MDGA1: variants seen among roughly 807,000 people sequenced by gnomAD.
The protein encoded by MDGA1 is MAM domain containing glycosylphosphatidylinositol anchor 1.
Under a neutral mutation model 101.5 loss-of-function variants are expected in MDGA1, and 54 were observed. That is an observed-to-expected ratio of 0.53 (90% confidence interval 0.43 to 0.67). The LOEUF (loss-of-function observed/expected upper bound fraction) is 0.67, where lower values mean the gene tolerates loss of function less well. Ranked by LOEUF, MDGA1 falls within the 30% of genes least tolerant of loss-of-function variation. The pLI is 0.00. For synonymous variants in MDGA1, 533 were observed against 558.3 expected, an observed-to-expected ratio of 0.95 and a Z score of 0.64; for missense variants, 1,083 against 1,323.8, an observed-to-expected ratio of 0.82 and a Z score of 2.82.
chr6:37,641,997 T>C (rs76262911), intron 14 of MDGA1: 1,536 of 152,232 alleles, frequency 0.01, 16 homozygotes, highest in Non-Finnish European at 0.017. Flanking sequence ...TTGCTTAAAG[T>C]CACTCCGTCT....
intron 1 of MDGA1, among the ~76,000 whole-genome samples, chr6:37,687,041 G>A (rs1304795646): frequency 6.6e-6 from 1 of 152,124 alleles, no homozygotes; most frequent in Admixed American, 6.6e-5. Flanking sequence ...TTTGCATTGG[G>A]CAGTCTTGAG....
chr6:37,675,955 C>T (rs1444766633), intron 1 of MDGA1, among the ~76,000 whole-genome samples: 1 of 152,158 alleles, frequency 6.6e-6, no homozygotes, highest in African/African-American at 2.4e-5. Context: ...TGACTTGAGG[C>T]AAATCATTTA....
rs192113659 is a variant in MDGA1, at chr6:37,646,268, C to G, written c.2154G>C (p.Glu718Asp). ...LTDLRVPHSYEVRLTPYTTFG... is the reference protein window; with the variant it reads ...LTDLRVPHSYDVRLTPYTTFG... Reference sequence around the variant, plus strand: ...AGGTGGTATAGGGTGTGAGGCGGACCTCATAGCTGTGGGGCACACGGAGAT... The same window carrying G: ...AGGTGGTATAGGGTGTGAGGCGGACGTCATAGCTGTGGGGCACACGGAGAT... The change falls in exon 11 of 17, where the codon GAG (glutamate) becomes GAC (aspartate). Residue 718 changes from glutamate to aspartate, a missense_variant. Around this residue, in one of 3 missense-constraint regions of MDGA1, gnomAD observed 657 missense variants for 771.4 expected, o/e 0.85. Coordinates refer to ENST00000434837, the MANE Select transcript of MDGA1 (RefSeq NM_153487.4). 1.8e-3 allele frequency: 2,947 copies of G among 1,606,184 alleles called. 38 individuals carry two copies. In the African/African-American group the frequency reaches 0.026, roughly 14 times the overall value.
chr6:37,662,162 G>GAA (rs10717477), intron 2 of MDGA1, among the ~76,000 whole-genome samples: 21,130 of 131,164 alleles, frequency 0.16, 1,763 homozygotes, highest in Middle Eastern at 0.22. Flanking sequence ...ACCCTGTCTC[G>GAA]AAAAAAAAAA....
At position 37,693,403 on chromosome 6, in the gene MDGA1, T is replaced by G. The variant is rs79412950; in HGVS notation, c.67+3342A>C. Among the ~76,000 whole-genome samples, 259 of 152,366 alleles carry G rather than the reference T, an allele frequency of 1.7e-3. 2 individuals carry two copies. Among genetic ancestry groups the G allele is most frequent in the African/African-American group, 6.1e-3 (253 of 41,584 alleles). ...TATTCAACATCTGTCTTCATGTTCCTACAAAAATTAACATAGGATAGTAGT... is the reference window on the plus strand; with the variant it reads ...TATTCAACATCTGTCTTCATGTTCCGACAAAAATTAACATAGGATAGTAGT... On this transcript the variant is annotated intron_variant, in intron 1 of 16. Coordinates refer to ENST00000434837, the MANE Select transcript of MDGA1 (RefSeq NM_153487.4).
At position 37,696,041 on chromosome 6, in the gene MDGA1, G is replaced by A. The variant is rs1338856416; in HGVS notation, c.67+704C>T. Among the ~76,000 whole-genome samples the A allele has an allele frequency of 1.3e-5, 2 of 152,206 alleles. No homozygotes were observed. The highest frequency in any genetic ancestry group is 2.4e-5 in the African/African-American group (1 of 41,444). ...GTGGCAGGAGGCAGAGTTTGGACACGTATCCCGGTGGGTGCGTGCCGTGTT... is the reference window on the plus strand; with the variant it reads ...GTGGCAGGAGGCAGAGTTTGGACACATATCCCGGTGGGTGCGTGCCGTGTT... On this transcript the variant is annotated intron_variant, in intron 1 of 16. Transcript: ENST00000434837. This position sits in a 1 kb window ranked among gnomAD's most constrained non-coding sequence, Gnocchi z 5.6.
At position 37,648,839 on chromosome 6, in the gene MDGA1, A is replaced by AAGGCCGGGGCT. The variant is rs112520975; in HGVS notation, c.1894+132_1894+142dup. The AAGGCCGGGGCT allele has an allele frequency of 6.7e-3, 9,330 of 1,383,856 alleles. 465 individuals carry two copies. In the African/African-American group the frequency reaches 0.12, roughly 18 times the overall value. The allele number at this position is 1,383,856 out of a possible 1,614,324, so 85.7% of individuals were successfully genotyped here. ...GGCCTTGGCGTGGGCGGGTCTTGGA[A>AAGGCCGGGGCT]AGGCCGGGGCTAAGCCTGGAGTAGG... On this transcript the variant is annotated intron_variant, in intron 9 of 16. Transcript: ENST00000434837.
intron 14 of MDGA1, among the ~76,000 whole-genome samples, chr6:37,642,944 C>T (rs1312014546): frequency 1.3e-5 from 2 of 152,244 alleles, no homozygotes; most frequent in Non-Finnish European, 2.9e-5. Flanking sequence ...CTACCAGTAC[C>T]ATTGCCTGCC....
intron 2 of MDGA1, among the ~76,000 whole-genome samples, chr6:37,663,212 T>A (rs1263578032): frequency 6.6e-6 from 1 of 152,156 alleles, no homozygotes; most frequent in Non-Finnish European, 1.5e-5. Context: ...CAGCTCTCAG[T>A]GATCACAGGC....
chr6:37,678,811 A>G (rs1263478820), intron 1 of MDGA1, among the ~76,000 whole-genome samples: 1 of 132,586 alleles, frequency 7.5e-6, no homozygotes, highest in African/African-American at 2.9e-5. Flanking sequence ...CCCCACCTCC[A>G]TCACGCTCAA....
rs568804296 is a variant in MDGA1, at chr6:37,643,947, C to T, written c.2402-4G>A. On this transcript the variant is annotated splice_region_variant and splice_polypyrimidine_tract_variant and intron_variant, in intron 13 of 16. Transcript: ENST00000434837. ...GTCTCGATGAACATGTAGTAGCCTGCGGGGAATGGGGAGATGCGCCAACAG... is the reference window on the plus strand; with the variant it reads ...GTCTCGATGAACATGTAGTAGCCTGTGGGGAATGGGGAGATGCGCCAACAG... The T allele has an allele frequency of 2.7e-5, 43 of 1,613,296 alleles. No individual in the cohort carries two copies. The highest frequency in any genetic ancestry group is 5.0e-5 in the Admixed American group (3 of 59,946).
chr6:37,673,523 G>A (rs1455504745), intron 1 of MDGA1, among the ~76,000 whole-genome samples: 1 of 152,218 alleles, frequency 6.6e-6, no homozygotes, highest in Admixed American at 6.5e-5. Context: ...GCCTCCTTCT[G>A]CCAGGGATGA....
Position 37,647,295 on chromosome 6 carries a change from C to G in MDGA1, c.1924G>C (p.Asp642His). 1 of 1,550,702 alleles carries G rather than the reference C, an allele frequency of 6.4e-7. No homozygotes were observed. Among genetic ancestry groups the G allele is most frequent in the Non-Finnish European group, 8.7e-7 (1 of 1,146,764 alleles). ...AKAYSPEFYF[D>H]TPNPTRSHKL... is the part of the protein sequence containing the mutation. ...TGGCTGCGGGTGGGGTTGGGGGTGT[C>G]GAAGTAAAACTCCGGGCTGTAGGCT... Residue 642 changes from aspartate to histidine, a missense_variant, in exon 10 of 17, where the codon GAC (aspartate) becomes CAC (histidine). By Grantham distance (81) the Asp-to-His change is moderately conservative. Around this residue, in one of 3 missense-constraint regions of MDGA1, gnomAD observed 657 missense variants for 771.4 expected, o/e 0.85. Coordinates refer to ENST00000434837, the MANE Select transcript of MDGA1 (RefSeq NM_153487.4).
chr6:37,663,784 T>C (rs974568501), intron 2 of MDGA1, among the ~76,000 whole-genome samples, 183 bp downstream of exon 2: 1 of 152,212 alleles, frequency 6.6e-6, no homozygotes, highest in Non-Finnish European at 1.5e-5. Flanking sequence ...AATGAGCCCA[T>C]AGCCTCCAGC....
chr6:37,688,706 T>G (rs1762248575), intron 1 of MDGA1, among the ~76,000 whole-genome samples: 1 of 151,990 alleles, frequency 6.6e-6, no homozygotes, highest in Non-Finnish European at 1.5e-5. Context: ...TGAAACGGAG[T>G]CCCCATAGTT....
intron 8 of MDGA1, among the ~76,000 whole-genome samples, 152 bp from the exon 9 acceptor site, chr6:37,649,418 A>G (rs1761304168): frequency 6.6e-6 from 1 of 152,154 alleles, no homozygotes; most frequent in Admixed American, 6.5e-5. Flanking sequence ...ACATCCCTCC[A>G]ATGGCCACGA....
chr6:37,685,242 A>C (rs1339252036), intron 1 of MDGA1, among the ~76,000 whole-genome samples: 1 of 152,042 alleles, frequency 6.6e-6, no homozygotes, highest in East Asian at 1.9e-4. Context: ...CAGTAAGCTG[A>C]GATGGTGCCA....
chr6:37,637,356 A>T lies in MDGA1; in HGVS notation c.*12T>A. On this transcript the variant is annotated 3_prime_UTR_variant, in exon 17 of 17. Coordinates refer to ENST00000434837, the MANE Select transcript of MDGA1 (RefSeq NM_153487.4). The stretch of plus-strand genomic sequence containing the variant: ...CGGGGGCAAGGTTGGGGGGGTGGCC[A>T]CACAGCTCTCATCATCTCTGCAACG... 2 of 1,609,278 alleles carry T rather than the reference A, an allele frequency of 1.2e-6. No individual in the cohort carries two copies. Among genetic ancestry groups the T allele is most frequent in the Non-Finnish European group, 8.5e-7 (1 of 1,176,200 alleles).
Position 37,635,783 on chromosome 6 carries a change from G to A in MDGA1, c.*1585C>T, listed in dbSNP as rs1013365595. The A allele has an allele frequency of 5.0e-6, 2 of 398,498 alleles. No homozygotes were observed. Among genetic ancestry groups the A allele is most frequent in the Admixed American group, 4.4e-5 (1 of 22,742 alleles). The allele number at this position is 398,498 out of a possible 1,614,324, so 24.7% of individuals were successfully genotyped here. ...CCGTCATCCATAGGGGATGAAAGGT[G>A]GAATTTCAGGCCATCGCAGGCAGCT... On this transcript the variant is annotated 3_prime_UTR_variant, in exon 17 of 17. Coordinates refer to ENST00000434837, the MANE Select transcript of MDGA1 (RefSeq NM_153487.4).
Sources: gnomAD v4.1 joint callset for allele counts (sites outside exome capture counted in the v4.1 genomes callset) on GRCh38, gnomAD v4.1.1 for gene constraint, gnomAD v4.1.1 regional missense constraint, Gnocchi (gnomAD v3.1) non-coding constraint, MANE v1.5 for transcripts, NCBI Gene and HGNC (gene_info 2026-07-23, HGNC 2026-07-21) for gene names.